DMD: variants seen among roughly 807,000 people sequenced by gnomAD.
DMD encodes the protein mutant dystrophin.
DMD carries 63 observed loss-of-function variants against 330.1 expected under a neutral mutation model. The observed-to-expected ratio is 0.19, with a 90% CI of 0.16 to 0.24. The LOEUF (loss-of-function observed/expected upper bound fraction) is 0.24. Among genes scored for constraint, DMD ranks in the 10% least tolerant of loss-of-function variants. DMD has a pLI of 1.00. For synonymous variants in DMD, 1,223 were observed against 959.8 expected, an observed-to-expected ratio of 1.27 and a Z score of -5.07; for missense variants, 3,344 against 2,684.1, an observed-to-expected ratio of 1.25 and a Z score of -5.43.
intron 18 of DMD, among the ~76,000 whole-genome samples, chrX:32,503,659 A>G (rs1231238168): frequency 9.0e-6 from 1 of 110,707 alleles, no homozygotes; most frequent in African/African-American, 3.3e-5. Context: ...GGGTTCAAGC[A>G]ACTCTCCTGC....
chrX:31,755,543 T>A (rs1168907165), intron 51 of DMD, among the ~76,000 whole-genome samples: 1 of 111,554 alleles, frequency 9.0e-6, no homozygotes, highest in East Asian at 2.8e-4. Context: ...ACTAAAGTTT[T>A]GCTGTGGTTA....
At chrX:31,837,597 A>G (rs1197773439) in intron 48 of DMD, among the ~76,000 whole-genome samples, 1 of 111,762 alleles carries the variant, frequency 8.9e-6, no homozygotes, top group African/African-American at 3.3e-5. Context: ...TAGAGTATCA[A>G]TTAATCAATG....
At chrX:32,930,999 TTATTTTATAC>T (rs1213644385) in intron 2 of DMD, among the ~76,000 whole-genome samples, 3 of 107,889 alleles carry the variant, frequency 2.8e-5, no homozygotes, top group Non-Finnish European at 5.7e-5. Context: ...ATTATATATA[TTATTTTATAC>T]TATATTAATA....
intron 1 of DMD, among the ~76,000 whole-genome samples, chrX:33,081,831 T>A (rs2094934523): frequency 8.9e-6 from 1 of 111,797 alleles, no homozygotes; most frequent in African/African-American, 3.3e-5. Context: ...AGCTCCCTCA[T>A]AATGTGAAGT....
At chrX:32,407,382 T>C (rs376069392) in intron 30 of DMD, among the ~76,000 whole-genome samples, 2 of 111,838 alleles carry the variant, frequency 1.8e-5, no homozygotes, top group East Asian at 2.8e-4. Flanking sequence ...AAAATGCTCA[T>C]CATCACTGGC....
chrX:31,148,577 G>A (rs1280624367), intron 74 of DMD, among the ~76,000 whole-genome samples: 1 of 112,176 alleles, frequency 8.9e-6, no homozygotes, highest in African/African-American at 3.2e-5. Context: ...GTTTGATGTG[G>A]AATTGTTGGA....
chrX:31,556,316 G>A (rs1244940023), intron 55 of DMD, among the ~76,000 whole-genome samples: 1 of 98,126 alleles, frequency 1.0e-5, no homozygotes, highest in Admixed American at 1.1e-4. Context: ...GCAGTGAGCC[G>A]AGATCACACC....
At chrX:32,378,480 A>C (rs1295191666) in intron 34 of DMD, among the ~76,000 whole-genome samples, 1 of 110,204 alleles carries the variant, frequency 9.1e-6, no homozygotes, top group East Asian at 2.8e-4. Flanking sequence ...ATGTACTTGA[A>C]ATTATGCTTT....
At chrX:31,334,406 C>T (rs1265200215) in intron 61 of DMD, among the ~76,000 whole-genome samples, 1 of 111,608 alleles carries the variant, frequency 9.0e-6, no homozygotes, top group African/African-American at 3.3e-5. Context: ...CATGTAGCCT[C>T]AGGGACAATA....
intron 74 of DMD, among the ~76,000 whole-genome samples, chrX:31,165,469 G>A (rs2039317912): frequency 9.0e-6 from 1 of 111,530 alleles, no homozygotes; most frequent in African/African-American, 3.3e-5. Context: ...TGCTCTGCAG[G>A]TAGTAGAACG....
intron 1 of DMD, among the ~76,000 whole-genome samples, chrX:33,088,146 G>A (rs186881545): frequency 7.2e-5 from 8 of 110,833 alleles, no homozygotes; most frequent in Admixed American, 2.9e-4. Context: ...TTTACCTCCC[G>A]GAGGATTCAA....
At chrX:31,412,043 A>G (rs1387818485) in intron 60 of DMD, among the ~76,000 whole-genome samples, 1 of 108,016 alleles carries the variant, frequency 9.3e-6, no homozygotes, top group East Asian at 3.0e-4. Flanking sequence ...AAAATTAGCC[A>G]GGCATGGTGG....
chrX:32,105,497 T>G (rs750177661), intron 44 of DMD, among the ~76,000 whole-genome samples: 3 of 112,219 alleles, frequency 2.7e-5, no homozygotes, highest in Non-Finnish European at 5.6e-5. Flanking sequence ...TTTGAGTTAT[T>G]TCACATACAC....
At chrX:33,055,304 A>C (rs12116032) in intron 1 of DMD, among the ~76,000 whole-genome samples, 12,480 of 111,346 alleles carry the variant, frequency 0.11, 1,723 homozygotes, top group African/African-American at 0.39. Flanking sequence ...TTTCAGTTGA[A>C]GGATGTGGAA....
intron 63 of DMD, among the ~76,000 whole-genome samples, chrX:31,231,588 T>C (rs987997339): frequency 1.8e-5 from 2 of 112,540 alleles, no homozygotes; most frequent in Non-Finnish European, 1.9e-5. Context: ...TAATCAAATA[T>C]TCATATGTAG....
At chrX:32,529,847 ACT>A (rs1423301176) in intron 17 of DMD, among the ~76,000 whole-genome samples, 1 of 111,283 alleles carries the variant, frequency 9.0e-6, no homozygotes, top group Non-Finnish European at 1.9e-5. Context: ...ATGACAGAGG[ACT>A]CTGTCTTCAG....
intron 1 of DMD, among the ~76,000 whole-genome samples, chrX:33,079,456 A>G (rs2094893872): frequency 8.9e-6 from 1 of 112,090 alleles, no homozygotes; most frequent in African/African-American, 3.2e-5. Context: ...CATAATTACA[A>G]TTATTACTGA....
At chrX:32,373,936 A>G (rs1232159756) in intron 34 of DMD, among the ~76,000 whole-genome samples, 2 of 111,757 alleles carry the variant, frequency 1.8e-5, no homozygotes, top group East Asian at 2.8e-4. Flanking sequence ...AAATGTAATC[A>G]TGGTCACCCT....
At chrX:31,571,409 T>C (rs2075813968) in intron 55 of DMD, among the ~76,000 whole-genome samples, 1 of 87,949 alleles carries the variant, frequency 1.1e-5, no homozygotes, top group African/African-American at 4.8e-5. Flanking sequence ...ATGTTATTAA[T>C]CTTCTAACAT....
Sources: allele counts gnomAD v4.1 joint callset (sites outside exome capture counted in the v4.1 genomes callset), GRCh38; gene constraint gnomAD v4.1.1; transcripts MANE v1.5; gene names NCBI Gene and HGNC (gene_info 2026-07-23, HGNC 2026-07-21).